The following ASB16 variants were observed in gnomAD, a reference collection of about 807,000 sequenced individuals.
The protein encoded by ASB16 is ankyrin repeat and SOCS box protein 16.
ASB16 carries 44 observed loss-of-function variants against 39.1 expected under a neutral mutation model. The ratio of observed to expected loss-of-function variants is 1.13; its 90% CI spans 0.88 to 1.45. ASB16 has a LOEUF of 1.45. ASB16 is among the 40% of genes most tolerant of loss of function. ASB16 has a pLI of 0.00. For synonymous variants in ASB16, 305 were observed against 286.7 expected (o/e 1.06, Z -0.64); for missense variants, 698 against 634.5 (o/e 1.10, Z -1.07).
Position 44,176,883 on chromosome 17 carries a change from C to G in ASB16, c.715C>G (p.Arg239Gly), listed in dbSNP as rs1396370212. ...YLEHGADVGL[R>G]TSQGETALNT... The stretch of plus-strand genomic sequence containing the variant: ...GGAGCATGGCGCCGACGTGGGCCTG[C>G]GCACCAGCCAGGGCGAGACTGCGCT... Residue 239 changes from arginine (R) to glycine (G), a missense_variant, in exon 3 of 5, where the codon CGC becomes GGC. By Grantham distance (125) the Arg-to-Gly change is moderately radical (BLOSUM62 -2). Transcript: ENST00000293414. The G allele has an allele frequency of 8.1e-6, 13 of 1,602,968 alleles. No individual in the cohort carries two copies. The highest frequency in any genetic ancestry group is 4.0e-5 in the African/African-American group (3 of 74,632).
Position 44,177,164 on chromosome 17 carries a change from C to T in ASB16, c.996C>T (p.Pro332=), listed in dbSNP as rs764024780. The T allele has an allele frequency of 9.2e-6, 14 of 1,529,816 alleles. No homozygotes were observed. In the South Asian group the frequency reaches 1.6e-4, roughly 17 times the overall value. 94.8% of individuals were successfully genotyped at this position (1,529,816 alleles called of 1,614,324 possible). The change falls in exon 3 of 5, where the codon CCC becomes CCT. Residue 332 remains proline, a synonymous_variant. Transcript: ENST00000293414. ...CGCTGCAGGCCGTCCAGGACTCCCC[C>T]AACTGGGAGCCTGAAGTCCTTTTCG... The part of the protein sequence containing the change: ...DCALQAVQDS[P]NWEPEVLFAA...
rs769256463 is a variant in ASB16, at chr17:44,178,183, CCTT to C, written c.1177-18_1177-16del. The stretch of plus-strand genomic sequence containing the variant: ...AGATGGTAGGGCAAGGGTCATCTGA[CCTT>C]CTTTCACTCCTGGCCTAGGAGCACG... On this transcript the variant is annotated intron_variant, in intron 4 of 4. Transcript: ENST00000293414. 4.7e-5 allele frequency: 75 copies of C among 1,611,140 alleles called. No individual in the cohort carries two copies. Among genetic ancestry groups the C allele is most frequent in the East Asian group, 1.1e-4 (5 of 44,886 alleles).
rs2054333304 is a variant in ASB16 at position 44,178,473 on chromosome 17, CT to C, written c.*84del. 7.2e-6 allele frequency: 10 copies of C among 1,396,082 alleles called. No homozygotes were observed. Among genetic ancestry groups the C allele is most frequent in the Non-Finnish European group, 6.7e-6 (7 of 1,042,224 alleles). 86.5% of individuals were successfully genotyped at this position (1,396,082 alleles called of 1,614,324 possible). A position where few individuals can be genotyped will look rare whatever the true frequency, so the allele number is the denominator to read the frequency against. On this transcript the variant is annotated 3_prime_UTR_variant, in exon 5 of 5. Coordinates refer to ENST00000293414, the MANE Select transcript of ASB16 (RefSeq NM_080863.5). ...AACTGCGGAGGACCAGTTCCTGGCC[CT>C]CTTTTCTTTTCTTTTTGAGACCTAG... is the stretch of plus-strand genomic sequence containing the variant.
At chr17:44,177,946 C>T (rs1213900966) in intron 4 of ASB16, 23 of 686,194 alleles carry the variant, frequency 3.4e-5, no homozygotes, top group Non-Finnish European at 5.2e-5. Flanking sequence ...AGACATTTAT[C>T]TGGCATCTCT....
At chr17:44,174,245 CTG>C (rs1029551003) in intron 2 of ASB16, among the ~76,000 whole-genome samples, 1 of 151,990 alleles carries the variant, frequency 6.6e-6, no homozygotes, top group African/African-American at 2.4e-5. Context: ...TGGGGTTTCA[CTG>C]TGTTAGCCAG....
intron 2 of ASB16, among the ~76,000 whole-genome samples, chr17:44,174,197 G>A (rs1052496171): frequency 3.3e-5 from 5 of 151,706 alleles, no homozygotes; most frequent in African/African-American, 9.7e-5. Flanking sequence ...CCGCCAACAC[G>A]CCCGGCTAAT....
intron 1 of ASB16, among the ~76,000 whole-genome samples, chr17:44,171,634 T>A (rs1598121020): frequency 6.8e-6 from 1 of 147,322 alleles, no homozygotes; most frequent in African/African-American, 2.5e-5. Flanking sequence ...GGTCAAGTGA[T>A]CATCCCGCCT....
At position 44,178,578 on chromosome 17, in the gene ASB16, T is replaced by C. The variant is rs1005608899; in HGVS notation, c.*188T>C. 6.9e-5 allele frequency: 44 copies of C among 641,664 alleles called. No homozygotes were observed. The highest frequency in any genetic ancestry group is 4.4e-4 in the South Asian group (22 of 49,554). The allele number at this position is 641,664 out of a possible 1,614,324, so 39.7% of individuals were successfully genotyped here. On this transcript the variant is annotated 3_prime_UTR_variant, in exon 5 of 5. Transcript: ENST00000293414. ...ACTTCTACCACCTAGGTTCAAGCGA[T>C]TCTTGTGCCCCAAACTTCCGAGTAG... is the stretch of plus-strand genomic sequence containing the variant.
chr17:44,171,949 G>A (rs2054245978), intron 1 of ASB16, 97 bp from the exon 2 acceptor site: 5 of 1,317,050 alleles, frequency 3.8e-6, no homozygotes, highest in Non-Finnish European at 2.1e-6. Context: ...CCATGCAGAG[G>A]GAAGGCCAGT....
At chr17:44,177,771 C>T in intron 4 of ASB16, 49 bp downstream of exon 4, 1 of 1,600,552 alleles carries the variant, frequency 6.2e-7, no homozygotes, top group Non-Finnish European at 8.5e-7. Context: ...AGCCACAGGC[C>T]TATTCCTTCA....
rs1567732340 is a variant in ASB16, at chr17:44,177,144, C to T, written c.976C>T (p.Gln326Ter). The T allele has an allele frequency of 6.6e-7, 1 of 1,517,120 alleles. No homozygotes were observed. The highest frequency in any genetic ancestry group is 2.5e-5 in the East Asian group (1 of 40,684). The allele number at this position is 1,517,120 out of a possible 1,614,324, so 94.0% of individuals were successfully genotyped here. ...AGHTPMDCAL[Q>*]AVQDSPNWEP... ...CCACACGCCCATGGACTGTGCGCTG[C>T]AGGCCGTCCAGGACTCCCCCAACTG... is the stretch of plus-strand genomic sequence containing the variant. Residue 326 changes from glutamine to a stop codon, truncating the protein, a stop_gained, in exon 3 of 5, where the codon CAG becomes TAG. Transcript: ENST00000293414. LOFTEE classifies it high-confidence loss of function.
intron 3 of ASB16, 183 bp from the exon 4 acceptor site, chr17:44,177,426 A>G: frequency 8.8e-7 from 1 of 1,130,314 alleles, no homozygotes; most frequent in South Asian, 1.7e-5. Context: ...CCCCAGAGGA[A>G]AACTGGGGCC....
intron 3 of ASB16, 141 bp downstream of exon 3, chr17:44,177,371 G>T: frequency 7.9e-7 from 1 of 1,272,660 alleles, no homozygotes. Flanking sequence ...CAGCTTGGGA[G>T]GGGGAGAGAG....
chr17:44,173,019 G>T (rs1250410072), intron 2 of ASB16, among the ~76,000 whole-genome samples: 17 of 146,366 alleles, frequency 1.2e-4, no homozygotes, highest in African/African-American at 4.0e-4. Flanking sequence ...AGAATCGCTT[G>T]AACCCGGGAG....
chr17:44,174,363 A>G (rs1328255947), intron 2 of ASB16, among the ~76,000 whole-genome samples: 2 of 151,734 alleles, frequency 1.3e-5, no homozygotes. Context: ...TATTTTTTAA[A>G]AAGTATTATT....
chr17:44,178,608 G>A lies in ASB16; in HGVS notation c.*218G>A, dbSNP rs749327334. ...GTGCCCCAAACTTCCGAGTAGCTGG[G>A]ACTACAGGCATGAGTCACCACACCT... On this transcript the variant is annotated 3_prime_UTR_variant, in exon 5 of 5. Transcript: ENST00000293414. 8 of 579,310 alleles carry A rather than the reference G, an allele frequency of 1.4e-5. No individual in the cohort carries two copies. Among genetic ancestry groups the A allele is most frequent in the Non-Finnish European group, 2.1e-5 (7 of 329,756 alleles). 35.9% of individuals were successfully genotyped at this position (579,310 alleles called of 1,614,324 possible).
At chr17:44,175,423 A>T (rs1363259355) in intron 2 of ASB16, among the ~76,000 whole-genome samples, 1 of 151,414 alleles carries the variant, frequency 6.6e-6, no homozygotes, top group African/African-American at 2.4e-5. Context: ...AAAAAAAAAA[A>T]AAAAAATTAG....
At chr17:44,177,905 C>A in intron 4 of ASB16, 183 bp downstream of exon 4, 1 of 765,966 alleles carries the variant, frequency 1.3e-6, no homozygotes, top group Middle Eastern at 3.9e-4. Flanking sequence ...ACTCCACACA[C>A]CTCTCCTGCC....
intron 2 of ASB16, among the ~76,000 whole-genome samples, chr17:44,175,673 T>G (rs1598123397): frequency 6.6e-6 from 1 of 152,220 alleles, no homozygotes. Flanking sequence ...TATAAGTTAC[T>G]GTTAGTTTGG....
Sources: allele counts gnomAD v4.1 joint callset (sites outside exome capture counted in the v4.1 genomes callset), GRCh38; gene constraint gnomAD v4.1.1; transcripts MANE v1.5; gene names NCBI Gene and HGNC (gene_info 2026-07-23, HGNC 2026-07-21).